The following HBP1 variants were observed in gnomAD, a reference collection of about 807,000 sequenced individuals.
The protein encoded by HBP1 is HMG box-containing protein 1.
In HBP1, 20 loss-of-function variants were observed where a neutral mutation model predicts 62.6. The observed-to-expected ratio is 0.32, with a 90% CI of 0.22 to 0.46. HBP1 has a LOEUF of 0.46. Ranked by LOEUF, HBP1 falls within the 20% of genes least tolerant of loss-of-function variation. The pLI is 1.00. For missense variants in HBP1, 480 were observed against 611.8 expected (o/e 0.78, Z 2.27); for synonymous variants, 232 against 206.2 (o/e 1.12, Z -1.07).
chr7:107,184,014 C>T (rs78810500), intron 3 of HBP1, among the ~76,000 whole-genome samples: 1,594 of 152,242 alleles, frequency 0.01, 15 homozygotes, highest in Non-Finnish European at 0.016. Flanking sequence ...AGTGTTTGGA[C>T]GTGTTTAGCA....
chr7:107,196,245 A>G, intron 9 of HBP1, 94 bp downstream of exon 9: 1 of 820,502 alleles, frequency 1.2e-6, no homozygotes, highest in Non-Finnish European at 2.1e-6. Flanking sequence ...ATTCTTTAAT[A>G]GCTTTTATTC....
At chr7:107,176,280 T>C (rs1397880897) in intron 1 of HBP1, among the ~76,000 whole-genome samples, 1 of 152,142 alleles carries the variant, frequency 6.6e-6, no homozygotes, top group Non-Finnish European at 1.5e-5. Flanking sequence ...CTCCTCGGCT[T>C]CCCAAAGTGC....
chr7:107,188,417 C>G (rs1044692017), intron 6 of HBP1, among the ~76,000 whole-genome samples: 1 of 152,026 alleles, frequency 6.6e-6, no homozygotes, highest in Non-Finnish European at 1.5e-5. Context: ...TCATTTGATT[C>G]TAATTCTGTA....
At chr7:107,175,297 C>T (rs1029569460) in intron 1 of HBP1, among the ~76,000 whole-genome samples, 2 of 151,970 alleles carry the variant, frequency 1.3e-5, no homozygotes, top group African/African-American at 4.8e-5. Context: ...TTGTGTTAGG[C>T]TCTATTCTGA....
intron 9 of HBP1, among the ~76,000 whole-genome samples, chr7:107,199,403 G>C (rs1176543724): frequency 6.6e-6 from 1 of 152,194 alleles, no homozygotes; most frequent in African/African-American, 2.4e-5. Context: ...TTATAATTAA[G>C]GAAAATGCAG....
chr7:107,189,243 T>G, intron 6 of HBP1, 49 bp from the exon 7 acceptor site: 2 of 1,504,134 alleles, frequency 1.3e-6, no homozygotes, highest in Non-Finnish European at 1.8e-6. Flanking sequence ...CTTCACAGTG[T>G]TTTGAATTGA....
intron 6 of HBP1, among the ~76,000 whole-genome samples, chr7:107,188,993 T>C (rs913444436): frequency 6.6e-6 from 1 of 151,598 alleles, no homozygotes; most frequent in African/African-American, 2.4e-5. Flanking sequence ...CTAAATTGCA[T>C]TCTTCTTTTA....
At chr7:107,193,922 G>A (rs1413508218) in intron 8 of HBP1, among the ~76,000 whole-genome samples, 1 of 152,136 alleles carries the variant, frequency 6.6e-6, no homozygotes, top group Non-Finnish European at 1.5e-5. Flanking sequence ...GTTAATATAT[G>A]TGACATGGTT....
intron 8 of HBP1, among the ~76,000 whole-genome samples, chr7:107,194,404 T>C (rs375103921): frequency 6.6e-6 from 1 of 152,204 alleles, no homozygotes; most frequent in Non-Finnish European, 1.5e-5. Flanking sequence ...GCTGAAGATA[T>C]CTTACAAAAA....
At chr7:107,183,199 C>T (rs1797192168) in intron 3 of HBP1, among the ~76,000 whole-genome samples, 1 of 152,122 alleles carries the variant, frequency 6.6e-6, no homozygotes, top group African/African-American at 2.4e-5. Context: ...GTGGAAAACA[C>T]TTCATTATTT....
chr7:107,187,176 C>T (rs1323533428), intron 6 of HBP1, among the ~76,000 whole-genome samples: 1 of 152,078 alleles, frequency 6.6e-6, no homozygotes, highest in Non-Finnish European at 1.5e-5. Flanking sequence ...TGGTGTGAAC[C>T]CAGGAGGCAG....
chr7:107,197,442 C>T (rs1378390877), intron 9 of HBP1, among the ~76,000 whole-genome samples: 1 of 152,132 alleles, frequency 6.6e-6, no homozygotes, highest in Non-Finnish European at 1.5e-5. Flanking sequence ...GATCTTGGCT[C>T]ACTGCAACTT....
Position 107,201,691 on chromosome 7 carries a change from T to A in HBP1, c.*260T>A. 1 of 362,816 alleles carries A rather than the reference T, an allele frequency of 2.8e-6. No individual in the cohort carries two copies. The highest frequency in any genetic ancestry group is 5.0e-6 in the Non-Finnish European group (1 of 201,526). The allele number at this position is 362,816 out of a possible 1,614,324, so 22.5% of individuals were successfully genotyped here. On this transcript the variant is annotated 3_prime_UTR_variant, in exon 11 of 11. Transcript: ENST00000222574. ...TTCATATATGTCTATCAGGTAATAA[T>A]AGGCTTGAAAATTGATATCCTGTGG... is the stretch of plus-strand genomic sequence containing the variant.
At position 107,195,941 on chromosome 7, in the gene HBP1, C is replaced by G; in HGVS notation, c.1175C>G (p.Ala392Gly). Residue 392 changes from alanine to glycine, a missense_variant, in exon 9 of 11, where the codon GCA becomes GGA. Transcript: ENST00000222574. ...SCGGPGGQDF[A>G]RSGFSKNCGS... Reference sequence around the variant, plus strand: ...GGAGGACCTGGTGGTCAAGACTTTGCAAGATCTGGATTCAGTAAAAACTGT... The same window carrying G: ...GGAGGACCTGGTGGTCAAGACTTTGGAAGATCTGGATTCAGTAAAAACTGT... The G allele has an allele frequency of 6.2e-7, 1 of 1,613,882 alleles. No homozygotes were observed. Among genetic ancestry groups the G allele is most frequent in the Non-Finnish European group, 8.5e-7 (1 of 1,179,814 alleles).
intron 1 of HBP1, among the ~76,000 whole-genome samples, chr7:107,170,807 C>T (rs1023197393): frequency 4.7e-5 from 7 of 150,124 alleles, no homozygotes; most frequent in African/African-American, 1.7e-4. Flanking sequence ...GGTACCTTCT[C>T]CCAGGATTGC....
At chr7:107,173,709 C>G (rs927452605) in intron 1 of HBP1, 1 of 152,198 alleles carries the variant, frequency 6.6e-6, no homozygotes, top group Non-Finnish European at 1.5e-5. Flanking sequence ...GTTTGCATAC[C>G]AAAAGCAATG....
intron 1 of HBP1, among the ~76,000 whole-genome samples, chr7:107,174,106 G>A (rs767151124): frequency 5.3e-5 from 8 of 152,200 alleles, no homozygotes; most frequent in Non-Finnish European, 7.3e-5. Context: ...ATGTAGTTTT[G>A]AATTTTGTTT....
At chr7:107,170,948 T>C (rs868247128) in intron 1 of HBP1, among the ~76,000 whole-genome samples, 42 of 145,116 alleles carry the variant, frequency 2.9e-4, no homozygotes, top group African/African-American at 5.9e-4. Flanking sequence ...ATATAACATA[T>C]ACATGTATAT....
intron 1 of HBP1, chr7:107,169,886 T>C (rs1796471969): frequency 2.0e-6 from 2 of 985,458 alleles, no homozygotes; most frequent in African/African-American, 1.7e-5. Flanking sequence ...GAGGCACCGC[T>C]CTGTGTGACC....
Sources: allele counts gnomAD v4.1 joint callset (sites outside exome capture counted in the v4.1 genomes callset), GRCh38; gene constraint gnomAD v4.1.1; transcripts MANE v1.5; gene names NCBI Gene and HGNC (gene_info 2026-07-23, HGNC 2026-07-21).